The following RBFOX3 variants were observed in gnomAD, a reference collection of about 807,000 sequenced individuals.
The protein encoded by RBFOX3 is RNA binding fox-1 homolog 3.
A neutral mutation model predicts 48.7 loss-of-function variants in RBFOX3; 17 were observed. The observed-to-expected ratio is 0.35, with a 90% CI of 0.24 to 0.52. The LOEUF is 0.52. Ranked by LOEUF, RBFOX3 falls within the 20% of genes least tolerant of loss-of-function variation. The pLI, the probability that RBFOX3 is intolerant of heterozygous loss-of-function variation, is 0.94. For missense variants in RBFOX3, 382 were observed against 497.5 expected, an observed-to-expected ratio of 0.77 and a Z score of 2.21; for synonymous variants, 212 against 209.5, an observed-to-expected ratio of 1.01 and a Z score of -0.10.
At chr17:79,622,391 GC>G in the RBFOX3 span, among the ~76,000 whole-genome samples, 10 of 152,126 alleles carry the variant, frequency 6.6e-5, no homozygotes, top group Non-Finnish European at 1.0e-4. Context: ...CCGAGACTCA[GC>G]CAGAGGAGGT....
At chr17:79,383,598 T>C (rs917821796) in intron 2 of RBFOX3, among the ~76,000 whole-genome samples, 17 of 152,164 alleles carry the variant, frequency 1.1e-4, no homozygotes, top group African/African-American at 2.9e-4. Flanking sequence ...GTGTGGAAAG[T>C]GCCCCTTACA....
At chr17:79,184,351 A>T (rs2052956151) in intron 4 of RBFOX3, among the ~76,000 whole-genome samples, 1 of 152,104 alleles carries the variant, frequency 6.6e-6, no homozygotes, top group African/African-American at 2.4e-5. Flanking sequence ...ACCCAGACAC[A>T]CTGGACTTGA....
chr17:79,348,736 A>G (rs2083343064), intron 2 of RBFOX3, among the ~76,000 whole-genome samples: 1 of 151,524 alleles, frequency 6.6e-6, no homozygotes, highest in Non-Finnish European at 1.5e-5. Flanking sequence ...ATGCCCCACC[A>G]TGCCCGGCTA....
At chr17:79,298,167 C>G (rs2074705718) in intron 3 of RBFOX3, 1 of 152,222 alleles carries the variant, frequency 6.6e-6, no homozygotes. Flanking sequence ...TTGCAGCACT[C>G]CATCGAGCAA....
intron 1 of RBFOX3, among the ~76,000 whole-genome samples, chr17:79,608,893 G>C (rs1396635587): frequency 6.6e-6 from 1 of 152,062 alleles, no homozygotes; most frequent in Non-Finnish European, 1.5e-5. Flanking sequence ...AGGAAGGCGC[G>C]CCGGGATGGT....
chr17:79,447,706 C>T (rs1251188700), intron 2 of RBFOX3, among the ~76,000 whole-genome samples: 1 of 152,176 alleles, frequency 6.6e-6, no homozygotes, highest in Admixed American at 6.5e-5. Flanking sequence ...TTGGAGGGCT[C>T]CTTCTCTCTC....
intron 1 of RBFOX3, among the ~76,000 whole-genome samples, chr17:79,505,785 A>T (rs865261): frequency 6.6e-6 from 1 of 152,218 alleles, no homozygotes; most frequent in Non-Finnish European, 1.5e-5. Context: ...CATTTTGACC[A>T]TGATATTGAT....
At chr17:79,437,018 C>T (rs1309718911) in intron 2 of RBFOX3, among the ~76,000 whole-genome samples, 1 of 152,156 alleles carries the variant, frequency 6.6e-6, no homozygotes, top group African/African-American at 2.4e-5. Context: ...AGTGGAGTCT[C>T]AACTGAGGCT....
intron 2 of RBFOX3, among the ~76,000 whole-genome samples, chr17:79,427,971 G>A (rs1555726472): frequency 6.6e-6 from 1 of 152,188 alleles, no homozygotes; most frequent in Non-Finnish European, 1.5e-5. Context: ...GCTGGTTACG[G>A]CTGGCACTTC....
intron 2 of RBFOX3, among the ~76,000 whole-genome samples, chr17:79,452,711 G>C (rs1453465785): frequency 1.3e-5 from 2 of 152,178 alleles, no homozygotes; most frequent in Non-Finnish European, 2.9e-5. Context: ...CTCGGACTTG[G>C]TGGCCACAGC....
intron 2 of RBFOX3, among the ~76,000 whole-genome samples, chr17:79,411,251 C>T (rs552591296): frequency 3.3e-5 from 5 of 152,240 alleles, no homozygotes; most frequent in Admixed American, 1.3e-4. Flanking sequence ...TGAACTATAT[C>T]GAAGGGTCCC....
At chr17:79,428,069 C>T (rs2067710212) in intron 2 of RBFOX3, among the ~76,000 whole-genome samples, 1 of 152,244 alleles carries the variant, frequency 6.6e-6, no homozygotes, top group African/African-American at 2.4e-5. Flanking sequence ...TACACTCAGC[C>T]TTAAGAAATG....
chr17:79,168,625 C>T (rs2048509630), intron 4 of RBFOX3, among the ~76,000 whole-genome samples: 1 of 152,210 alleles, frequency 6.6e-6, no homozygotes. Context: ...TGTGGGCGGC[C>T]TGGCCCGCTT....
At chr17:79,140,527 T>C (rs551509271) in intron 4 of RBFOX3, among the ~76,000 whole-genome samples, 2 of 152,338 alleles carry the variant, frequency 1.3e-5, no homozygotes, top group Admixed American at 1.3e-4. Flanking sequence ...AAGCTCACGA[T>C]GGCCCAGGCG....
chr17:79,591,882 C>G (rs12939806), intron 1 of RBFOX3, among the ~76,000 whole-genome samples: 1 of 138,072 alleles, frequency 7.2e-6, no homozygotes, highest in Non-Finnish European at 1.5e-5. Context: ...GGCATGTGCA[C>G]GTGTGGAGGG....
At chr17:79,322,557 A>G (rs115946978) in intron 2 of RBFOX3, among the ~76,000 whole-genome samples, 1 of 152,184 alleles carries the variant, frequency 6.6e-6, no homozygotes, top group African/African-American at 2.4e-5. Flanking sequence ...CACAGGGAAG[A>G]TGGAACATGT....
At chr17:79,431,390 G>A (rs940736782) in intron 2 of RBFOX3, among the ~76,000 whole-genome samples, 5 of 151,942 alleles carry the variant, frequency 3.3e-5, no homozygotes, top group African/African-American at 9.7e-5. Context: ...CTTGGCTCAC[G>A]GCAACCTCCA....
intron 2 of RBFOX3, among the ~76,000 whole-genome samples, chr17:79,324,015 T>C (rs1053033619): frequency 2.0e-5 from 3 of 152,162 alleles, no homozygotes; most frequent in Non-Finnish European, 4.4e-5. Flanking sequence ...AGGTGGGAGA[T>C]GGGAAGCCCG....
At chr17:79,602,126 C>CT (rs1290752602) in intron 1 of RBFOX3, 2 of 152,196 alleles carry the variant, frequency 1.3e-5, no homozygotes, top group African/African-American at 4.8e-5. Flanking sequence ...TTTAATCATC[C>CT]TATAAAGTTG....
Sources: gnomAD v4.1 joint callset for allele counts (sites outside exome capture counted in the v4.1 genomes callset) on GRCh38, gnomAD v4.1.1 for gene constraint, MANE v1.5 for transcripts, NCBI Gene and HGNC (gene_info 2026-07-23, HGNC 2026-07-21) for gene names.